ZFAND3: variants seen among roughly 807,000 people sequenced by gnomAD.
ZFAND3 encodes the protein AN1-type zinc finger protein 3.
Under a neutral mutation model 29.6 loss-of-function variants are expected in ZFAND3, and 10 were observed. The observed-to-expected ratio is 0.34, with a 90% CI of 0.21 to 0.57. The LOEUF (loss-of-function observed/expected upper bound fraction) is 0.57, where lower values mean the gene tolerates loss of function less well. Ranked by LOEUF, ZFAND3 falls within the 20% of genes least tolerant of loss-of-function variation. The pLI, the probability that ZFAND3 is intolerant of heterozygous loss-of-function variation, is 0.86. For missense variants in ZFAND3, 230 were observed against 304.5 expected, an observed-to-expected ratio of 0.76 and a Z score of 1.82; for synonymous variants, 128 against 112.6, an observed-to-expected ratio of 1.14 and a Z score of -0.87.
chr6:37,913,777 C>A (rs1761176540), intron 1 of ZFAND3, among the ~76,000 whole-genome samples: 1 of 140,008 alleles, frequency 7.1e-6, no homozygotes, highest in Non-Finnish European at 1.5e-5. Flanking sequence ...ATGGTGTGAT[C>A]TTGACTCACT....
intron 1 of ZFAND3, among the ~76,000 whole-genome samples, chr6:37,877,525 C>T (rs528648130): frequency 2.7e-4 from 38 of 141,358 alleles, no homozygotes; most frequent in Non-Finnish European, 1.6e-4. Context: ...TTGTGATAGA[C>T]TGGATGTGAG....
chr6:38,099,333 C>T (rs1765046426), intron 4 of ZFAND3, among the ~76,000 whole-genome samples: 1 of 152,148 alleles, frequency 6.6e-6, no homozygotes, highest in Non-Finnish European at 1.5e-5. Context: ...CAGCCAAGTG[C>T]CTCTGTGGGT....
At chr6:38,113,463 G>A (rs1040465140) in intron 4 of ZFAND3, among the ~76,000 whole-genome samples, 1 of 152,184 alleles carries the variant, frequency 6.6e-6, no homozygotes, top group Non-Finnish European at 1.5e-5. Context: ...ATGTGGAATA[G>A]ATCAAGGAAA....
At chr6:38,142,447 C>T (rs1180797498) in intron 5 of ZFAND3, 1 of 436,220 alleles carries the variant, frequency 2.3e-6, no homozygotes, top group East Asian at 7.1e-5. Context: ...CCCCCATGGG[C>T]CCAGGCTGTG....
At chr6:37,968,189 A>G (rs1762324653) in intron 2 of ZFAND3, among the ~76,000 whole-genome samples, 1 of 152,138 alleles carries the variant, frequency 6.6e-6, no homozygotes, top group Non-Finnish European at 1.5e-5. Flanking sequence ...TAGAAGTCTC[A>G]TTAGAGATTT....
chr6:37,916,243 A>T (rs1296686659), intron 1 of ZFAND3, among the ~76,000 whole-genome samples: 1 of 152,206 alleles, frequency 6.6e-6, no homozygotes, highest in Non-Finnish European at 1.5e-5. Context: ...TCAAAATGTG[A>T]AACAGATATG....
chr6:37,842,328 G>T (rs752339491), intron 1 of ZFAND3, among the ~76,000 whole-genome samples: 3 of 151,902 alleles, frequency 2.0e-5, no homozygotes, highest in Non-Finnish European at 4.4e-5. Flanking sequence ...GCTGTTTCTC[G>T]TACCCTATCA....
intron 1 of ZFAND3, among the ~76,000 whole-genome samples, chr6:37,875,648 T>G (rs1320443436): frequency 1.3e-5 from 2 of 151,664 alleles, no homozygotes. Flanking sequence ...TTTTTTTTTT[T>G]TAAATAGAGA....
intron 2 of ZFAND3, among the ~76,000 whole-genome samples, chr6:37,970,584 A>G (rs1762368953): frequency 6.6e-6 from 1 of 152,090 alleles, no homozygotes. Flanking sequence ...ATTGGAATGG[A>G]GTCTCCCCGT....
chr6:37,888,127 G>A (rs1273929489), intron 1 of ZFAND3, among the ~76,000 whole-genome samples: 2 of 151,562 alleles, frequency 1.3e-5, no homozygotes, highest in Non-Finnish European at 3.0e-5. Context: ...AAGTACCTAC[G>A]TCTACAGCTA....
intron 4 of ZFAND3, among the ~76,000 whole-genome samples, chr6:38,109,957 A>C (rs905677592): frequency 1.3e-5 from 2 of 152,140 alleles, no homozygotes; most frequent in Non-Finnish European, 2.9e-5. Context: ...TGCACTCCCA[A>C]GATGGTCAGC....
intron 2 of ZFAND3, among the ~76,000 whole-genome samples, chr6:37,940,176 A>G (rs995147899): frequency 6.6e-6 from 1 of 152,196 alleles, no homozygotes; most frequent in Non-Finnish European, 1.5e-5. Flanking sequence ...CTTGTCAGGA[A>G]TATGGATAAC....
chr6:37,832,370 C>G (rs1763878407), intron 1 of ZFAND3, among the ~76,000 whole-genome samples: 1 of 152,068 alleles, frequency 6.6e-6, no homozygotes, highest in African/African-American at 2.4e-5. Context: ...GAAGTTCTTT[C>G]ACTTACAAAC....
intron 2 of ZFAND3, among the ~76,000 whole-genome samples, chr6:37,951,000 G>T (rs1448130163): frequency 6.6e-6 from 1 of 152,196 alleles, no homozygotes; most frequent in African/African-American, 2.4e-5. Flanking sequence ...CTATCCGTGA[G>T]CATGGAATGT....
At chr6:38,065,648 T>C (rs1275072242) in intron 3 of ZFAND3, among the ~76,000 whole-genome samples, 2 of 152,218 alleles carry the variant, frequency 1.3e-5, no homozygotes, top group African/African-American at 4.8e-5. Flanking sequence ...TCATTAACTT[T>C]CTGCCCTAAG....
At chr6:37,836,680 A>T (rs1275538508) in intron 1 of ZFAND3, among the ~76,000 whole-genome samples, 4 of 152,226 alleles carry the variant, frequency 2.6e-5, no homozygotes, top group Admixed American at 2.6e-4. Flanking sequence ...AGAAATGAAC[A>T]TCTTTCATTA....
intron 2 of ZFAND3, among the ~76,000 whole-genome samples, chr6:37,982,777 G>A (rs950800866): frequency 6.6e-6 from 1 of 152,142 alleles, no homozygotes; most frequent in Non-Finnish European, 1.5e-5. Context: ...GTAGCCTCAG[G>A]CAACTCCTTC....
chr6:38,059,611 C>T (rs1322730664), intron 2 of ZFAND3, among the ~76,000 whole-genome samples: 2 of 152,216 alleles, frequency 1.3e-5, no homozygotes, highest in East Asian at 3.8e-4. Context: ...GGCGCTGTGG[C>T]TCACACCTGT....
chr6:37,996,640 ACTTTT>A (rs1302907443), intron 2 of ZFAND3, among the ~76,000 whole-genome samples: 1 of 152,156 alleles, frequency 6.6e-6, no homozygotes, highest in East Asian at 1.9e-4. Flanking sequence ...GGATACATTA[ACTTTT>A]CTTCAGACTA....
Sources: allele counts gnomAD v4.1 joint callset (sites outside exome capture counted in the v4.1 genomes callset), GRCh38; gene constraint gnomAD v4.1.1; transcripts MANE v1.5; gene names NCBI Gene and HGNC (gene_info 2026-07-23, HGNC 2026-07-21).